The following MYCBP2 variants were observed in gnomAD, a reference collection of about 807,000 sequenced individuals.
MYCBP2 encodes the protein E3 ubiquitin-protein ligase MYCBP2.
A neutral mutation model predicts 525.3 loss-of-function variants in MYCBP2; 120 were observed. The observed-to-expected ratio is 0.23, with a 90% CI of 0.20 to 0.27. MYCBP2 has a LOEUF of 0.27. MYCBP2 is among the 10% of genes least tolerant of loss of function. MYCBP2 has a pLI of 1.00. For missense variants in MYCBP2, 4,149 were observed against 5,657.1 expected, an observed-to-expected ratio of 0.73 and a Z score of 8.55; for synonymous variants, 1,894 against 1,955.8, an observed-to-expected ratio of 0.97 and a Z score of 0.83.
intron 32 of MYCBP2, among the ~76,000 whole-genome samples, chr13:77,183,107 C>T (rs2060365279): frequency 6.6e-6 from 1 of 152,072 alleles, no homozygotes; most frequent in Non-Finnish European, 1.5e-5. Flanking sequence ...ATAAATCCCA[C>T]TTGGTTATGA....
chr13:77,260,127 A>G (rs1350001793), intron 13 of MYCBP2, among the ~76,000 whole-genome samples: 1 of 152,188 alleles, frequency 6.6e-6, no homozygotes, highest in Non-Finnish European at 1.5e-5. Flanking sequence ...GGATACTACC[A>G]CTGTCCCAGG....
intron 21 of MYCBP2, among the ~76,000 whole-genome samples, chr13:77,216,396 A>G (rs1239031680): frequency 1.3e-5 from 2 of 152,206 alleles, no homozygotes; most frequent in African/African-American, 4.8e-5. Flanking sequence ...TGGATGCTAA[A>G]TCTAGGGGGA....
intron 82 of MYCBP2, among the ~76,000 whole-genome samples, 172 bp from the exon 83 acceptor site, chr13:77,045,665 C>T (rs1167267064): frequency 6.6e-6 from 1 of 152,112 alleles, no homozygotes. Flanking sequence ...AAAATGTTCA[C>T]TATAAAAAAT....
At chr13:77,137,859 C>T (rs1399079369) in intron 52 of MYCBP2, among the ~76,000 whole-genome samples, 1 of 152,080 alleles carries the variant, frequency 6.6e-6, no homozygotes, top group Non-Finnish European at 1.5e-5. Context: ...GCTGGGATTA[C>T]AGGCGTGAGC....
chr13:77,306,442 T>C (rs1470569719), intron 1 of MYCBP2, among the ~76,000 whole-genome samples: 1 of 152,206 alleles, frequency 6.6e-6, no homozygotes, highest in Non-Finnish European at 1.5e-5. Context: ...AGATTTCTTA[T>C]ATATAGCTTC....
chr13:77,315,021 A>T (rs1008344825), intron 1 of MYCBP2, among the ~76,000 whole-genome samples: 4 of 152,238 alleles, frequency 2.6e-5, no homozygotes, highest in Non-Finnish European at 5.9e-5. Flanking sequence ...ACTTCATGCT[A>T]AAAACTTCAA....
intron 23 of MYCBP2, among the ~76,000 whole-genome samples, chr13:77,207,843 T>TA (rs2063526166): frequency 6.6e-6 from 1 of 152,174 alleles, no homozygotes; most frequent in Non-Finnish European, 1.5e-5. Flanking sequence ...TGATGGTAAA[T>TA]AATAGAAACA....
intron 38 of MYCBP2, 116 bp downstream of exon 38, chr13:77,171,376 A>G (rs2059127708): frequency 2.9e-6 from 3 of 1,034,144 alleles, no homozygotes; most frequent in African/African-American, 1.6e-5. Flanking sequence ...GGATCTATAA[A>G]TAACACTTAG....
chr13:77,055,508 T>C (rs2037776534), intron 80 of MYCBP2, 50 bp downstream of exon 80: 1 of 1,454,936 alleles, frequency 6.9e-7, no homozygotes, highest in Non-Finnish European at 9.5e-7. Context: ...TTCTTAATCA[T>C]ATAGGTAAGC....
intron 1 of MYCBP2, among the ~76,000 whole-genome samples, chr13:77,313,107 ACAC>A (rs1441901960): frequency 6.6e-6 from 1 of 152,060 alleles, no homozygotes; most frequent in East Asian, 1.9e-4. Flanking sequence ...ATGTAAGAAA[ACAC>A]CATATCTGAA....
chr13:77,206,611 C>T (rs369059812), intron 24 of MYCBP2, 42 bp downstream of exon 24: 51 of 1,483,320 alleles, frequency 3.4e-5, no homozygotes, highest in Non-Finnish European at 4.3e-5. Flanking sequence ...CTGGACAGCA[C>T]ACATTAATGT....
At chr13:77,294,555 C>A (rs1448223819) in intron 2 of MYCBP2, among the ~76,000 whole-genome samples, 2 of 152,110 alleles carry the variant, frequency 1.3e-5, no homozygotes, top group Non-Finnish European at 2.9e-5. Flanking sequence ...GACTTCTCCT[C>A]ACCTCTTCCT....
chr13:77,156,692 C>G (rs1286700928), intron 45 of MYCBP2, among the ~76,000 whole-genome samples: 1 of 152,178 alleles, frequency 6.6e-6, no homozygotes, highest in Non-Finnish European at 1.5e-5. Flanking sequence ...TTCACAGTTT[C>G]TCAACTATCT....
At chr13:77,193,417 T>C (rs952043399) in intron 27 of MYCBP2, among the ~76,000 whole-genome samples, 2 of 152,128 alleles carry the variant, frequency 1.3e-5, no homozygotes, top group African/African-American at 4.8e-5. Flanking sequence ...AAAATATACA[T>C]TTTCACTAGC....
In MYCBP2 at chr13:77,290,250, T is replaced by C. The variant is rs80103339; in HGVS notation, c.379-1874A>G. Among the ~76,000 whole-genome samples the C allele has an allele frequency of 5.3e-5, 8 of 152,342 alleles. No homozygotes were observed. The East Asian group carries it at 1.5e-3, about 29-fold the overall frequency. On this transcript the variant is annotated intron_variant, in intron 2 of 82. Coordinates refer to ENST00000544440, the MANE Select transcript of MYCBP2 (RefSeq NM_015057.5). ...GCTGGTGGGGATGAGGAGAAACTTA[T>C]ACATTGCTGATGGTCATGTAAAATG...
At chr13:77,291,108 G>C (rs538938726) in intron 2 of MYCBP2, among the ~76,000 whole-genome samples, 1 of 152,042 alleles carries the variant, frequency 6.6e-6, no homozygotes, top group Non-Finnish European at 1.5e-5. Context: ...GCAAGCCACA[G>C]AACAGGAGAA....
chr13:77,265,464 TA>T (rs563357561), intron 8 of MYCBP2, among the ~76,000 whole-genome samples: 20 of 152,218 alleles, frequency 1.3e-4, no homozygotes, highest in Middle Eastern at 3.4e-3. Flanking sequence ...ATCTGTAAGA[TA>T]AGCCGAGGTT....
chr13:77,066,654 A>G (rs1032586881), intron 71 of MYCBP2, among the ~76,000 whole-genome samples: 1 of 152,244 alleles, frequency 6.6e-6, no homozygotes, highest in Non-Finnish European at 1.5e-5. Context: ...GTAGGTCAAA[A>G]GATATGCATA....
chr13:77,202,601 T>C (rs866835477), intron 26 of MYCBP2, among the ~76,000 whole-genome samples: 5 of 151,660 alleles, frequency 3.3e-5, no homozygotes, highest in Non-Finnish European at 7.4e-5. Context: ...AAAAAGAGAA[T>C]TTTAGACCAA....
Sources: gnomAD v4.1 joint callset for allele counts (sites outside exome capture counted in the v4.1 genomes callset) on GRCh38, gnomAD v4.1.1 for gene constraint, MANE v1.5 for transcripts, NCBI Gene and HGNC (gene_info 2026-07-23, HGNC 2026-07-21) for gene names.